Variants in MLLT3 observed in about 807,000 individuals in gnomAD.
MLLT3 encodes MLLT3 super elongation complex subunit.
In MLLT3, 4 loss-of-function variants were observed where a neutral mutation model predicts 53.2. The ratio of observed to expected loss-of-function variants is 0.08; its 90% CI spans 0.04 to 0.17. The LOEUF is 0.17. MLLT3 is among the 10% of genes least tolerant of loss of function. The pLI is 1.00. For synonymous variants in MLLT3, 283 were observed against 230.6 expected (o/e 1.23, Z -2.06); for missense variants, 569 against 684.0 (o/e 0.83, Z 1.87).
intron 2 of MLLT3, among the ~76,000 whole-genome samples, chr9:20,546,175 T>G (rs1482450339): frequency 6.6e-6 from 1 of 152,238 alleles, no homozygotes; most frequent in Non-Finnish European, 1.5e-5. Flanking sequence ...CGTAGGAGTT[T>G]ATCAAAATGC....
chr9:20,600,145 C>CAA (rs11446057), intron 2 of MLLT3, among the ~76,000 whole-genome samples: 2,892 of 145,554 alleles, frequency 0.02, 91 homozygotes, highest in African/African-American at 0.067. Flanking sequence ...AAACAAAAAA[C>CAA]AAAAAAAAAA....
chr9:20,546,707 G>A lies in MLLT3; in HGVS notation c.193+73947C>T, dbSNP rs563322219. On this transcript the variant is annotated intron_variant, in intron 2 of 10. Coordinates refer to ENST00000380338, the MANE Select transcript of MLLT3 (RefSeq NM_004529.4). The stretch of plus-strand genomic sequence containing the variant: ...TAAGGAATCCAGGAGAGGCCAACCC[G>A]GAGATCCATTCCTTAACTATGAGGA... 1.8e-4 allele frequency among the ~76,000 whole-genome samples: 28 copies of A among 152,322 alleles called. No homozygotes were observed. The East Asian group carries it at 4.0e-3, about 22-fold the overall frequency.
chr9:20,478,563 C>A (rs1824583669), intron 2 of MLLT3, among the ~76,000 whole-genome samples: 1 of 152,128 alleles, frequency 6.6e-6, no homozygotes, highest in African/African-American at 2.4e-5. Context: ...CCCTAAAAGC[C>A]TAGGTTCAAA....
At chr9:20,495,501 T>A (rs1253405341) in intron 2 of MLLT3, among the ~76,000 whole-genome samples, 2 of 152,202 alleles carry the variant, frequency 1.3e-5, no homozygotes, top group African/African-American at 2.4e-5. Context: ...GAATAAATCA[T>A]TCCTAGAGAT....
At chr9:20,493,279 A>G (rs1010520582) in intron 2 of MLLT3, among the ~76,000 whole-genome samples, 17 of 152,042 alleles carry the variant, frequency 1.1e-4, no homozygotes, top group African/African-American at 3.6e-4. Flanking sequence ...CCTATCCTAT[A>G]GTAATTTATC....
chr9:20,377,788 C>G (rs1335016229), intron 5 of MLLT3, among the ~76,000 whole-genome samples: 1 of 152,024 alleles, frequency 6.6e-6, no homozygotes, highest in African/African-American at 2.4e-5. Flanking sequence ...GAACTTATGT[C>G]CATGGTAGTT....
At chr9:20,354,463 C>T (rs370640384) in intron 9 of MLLT3, among the ~76,000 whole-genome samples, 1 of 152,240 alleles carries the variant, frequency 6.6e-6, no homozygotes, top group Non-Finnish European at 1.5e-5. Context: ...TCTGGGAAAG[C>T]ACACTGCACT....
chr9:20,582,591 G>A (rs1008484939), intron 2 of MLLT3, among the ~76,000 whole-genome samples: 7 of 152,114 alleles, frequency 4.6e-5, no homozygotes, highest in African/African-American at 1.7e-4. Flanking sequence ...TCATGCTGCT[G>A]GGAAGAAAAA....
chr9:20,389,923 G>T (rs1471508016), intron 5 of MLLT3, among the ~76,000 whole-genome samples: 1 of 152,046 alleles, frequency 6.6e-6, no homozygotes, highest in Non-Finnish European at 1.5e-5. Flanking sequence ...TTCTTATTTT[G>T]TCCAGTAAGG....
At chr9:20,594,161 G>A (rs181069478) in intron 2 of MLLT3, among the ~76,000 whole-genome samples, 6 of 152,070 alleles carry the variant, frequency 3.9e-5, no homozygotes, top group East Asian at 3.9e-4. Context: ...AGCTGGTCTC[G>A]AACTCCTGAC....
At chr9:20,525,482 A>C (rs1381260441) in intron 2 of MLLT3, among the ~76,000 whole-genome samples, 1 of 152,184 alleles carries the variant, frequency 6.6e-6, no homozygotes, top group African/African-American at 2.4e-5. Context: ...GGCAACAGTA[A>C]GACTCTGACT....
chr9:20,403,060 C>G (rs546626575), intron 5 of MLLT3, among the ~76,000 whole-genome samples: 2 of 151,904 alleles, frequency 1.3e-5, no homozygotes, highest in South Asian at 4.2e-4. Flanking sequence ...TCACTGCAAA[C>G]TGGAAATGAT....
At chr9:20,551,133 A>G (rs1365637344) in intron 2 of MLLT3, among the ~76,000 whole-genome samples, 3 of 152,230 alleles carry the variant, frequency 2.0e-5, no homozygotes, top group Non-Finnish European at 2.9e-5. Flanking sequence ...AAGTAGGTCA[A>G]TATGTTGGCT....
At chr9:20,423,573 G>A (rs1823068871) in intron 4 of MLLT3, among the ~76,000 whole-genome samples, 1 of 151,912 alleles carries the variant, frequency 6.6e-6, no homozygotes, top group Middle Eastern at 3.2e-3. Context: ...TGCATTTAGG[G>A]AGGCCAAGGA....
At chr9:20,406,880 A>G (rs546391977) in intron 5 of MLLT3, among the ~76,000 whole-genome samples, 3 of 152,338 alleles carry the variant, frequency 2.0e-5, no homozygotes, top group African/African-American at 7.2e-5. Context: ...ATCTGGGAAT[A>G]TATCACTGCA....
At chr9:20,455,955 A>G (rs1823957203) in intron 3 of MLLT3, among the ~76,000 whole-genome samples, 2 of 148,490 alleles carry the variant, frequency 1.3e-5, no homozygotes, top group African/African-American at 2.5e-5. Flanking sequence ...TTTTTGAGAA[A>G]AATAATGGAG....
At chr9:20,432,760 G>A (rs16938064) in intron 4 of MLLT3, among the ~76,000 whole-genome samples, 4,797 of 152,004 alleles carry the variant, frequency 0.032, 127 homozygotes, top group Admixed American at 0.056. Flanking sequence ...AACACACTTG[G>A]GAAACGGCTG....
At chr9:20,462,491 T>C (rs1007145368) in intron 2 of MLLT3, among the ~76,000 whole-genome samples, 1 of 152,138 alleles carries the variant, frequency 6.6e-6, no homozygotes, top group African/African-American at 2.4e-5. Context: ...TTAACGTTCA[T>C]AAAGTTTTAA....
At chr9:20,493,811 T>C (rs1825012149) in intron 2 of MLLT3, among the ~76,000 whole-genome samples, 1 of 152,118 alleles carries the variant, frequency 6.6e-6, no homozygotes, top group Non-Finnish European at 1.5e-5. Flanking sequence ...CACATTATTG[T>C]CTTTCTGCAA....
Sources: allele counts gnomAD v4.1 joint callset (sites outside exome capture counted in the v4.1 genomes callset), GRCh38; gene constraint gnomAD v4.1.1; transcripts MANE v1.5; gene names NCBI Gene and HGNC (gene_info 2026-07-23, HGNC 2026-07-21).